Variants in PAPPA2 observed in about 807,000 individuals in gnomAD.
PAPPA2 encodes the protein pappalysin-2.
In PAPPA2, 86 loss-of-function variants were observed where a neutral mutation model predicts 176.4. The observed-to-expected ratio is 0.49, with a 90% CI of 0.41 to 0.58. The LOEUF (loss-of-function observed/expected upper bound fraction) is 0.58. PAPPA2 is among the 20% of genes least tolerant of loss of function. PAPPA2 has a pLI of 0.00. For synonymous variants in PAPPA2, 809 were observed against 852.2 expected, an observed-to-expected ratio of 0.95 and a Z score of 0.88; for missense variants, 2,073 against 2,256.9, an observed-to-expected ratio of 0.92 and a Z score of 1.65.
At chr1:176,654,860 G>A (rs1030895171) in intron 3 of PAPPA2, among the ~76,000 whole-genome samples, 11 of 151,532 alleles carry the variant, frequency 7.3e-5, no homozygotes, top group African/African-American at 2.7e-4. Flanking sequence ...TTCTTAATTT[G>A]TTTTTCAGTT....
chr1:176,564,987 A>G (rs1053557150), intron 2 of PAPPA2, among the ~76,000 whole-genome samples: 4 of 151,868 alleles, frequency 2.6e-5, no homozygotes, highest in African/African-American at 9.7e-5. Flanking sequence ...CCTACTCTCT[A>G]TCTCTATAGA....
intron 2 of PAPPA2, among the ~76,000 whole-genome samples, chr1:176,577,257 C>T (rs974852589): frequency 6.6e-6 from 1 of 152,178 alleles, no homozygotes; most frequent in Non-Finnish European, 1.5e-5. Flanking sequence ...TTCTCTCAGG[C>T]AATCACAAGA....
chr1:176,607,247 A>AAT (rs1343057119), intron 3 of PAPPA2, among the ~76,000 whole-genome samples: 1 of 152,134 alleles, frequency 6.6e-6, no homozygotes, highest in Non-Finnish European at 1.5e-5. Context: ...GCTGCTTTAA[A>AAT]ATATATAATG....
chr1:176,781,197 A>G (rs1169232312), intron 17 of PAPPA2, among the ~76,000 whole-genome samples: 2 of 152,102 alleles, frequency 1.3e-5, no homozygotes, highest in East Asian at 3.9e-4. Flanking sequence ...GGGACCAGGC[A>G]TTATTGTACC....
At chr1:176,631,109 G>A in intron 3 of PAPPA2, among the ~76,000 whole-genome samples, 1 of 152,174 alleles carries the variant, frequency 6.6e-6, no homozygotes, top group East Asian at 1.9e-4. Flanking sequence ...AAGCTGGGAG[G>A]CTATGTAGTC....
chr1:176,487,183 TA>T (rs35716355), intron 1 of PAPPA2, among the ~76,000 whole-genome samples: 3 of 152,118 alleles, frequency 2.0e-5, no homozygotes, highest in Admixed American at 1.3e-4. Flanking sequence ...TAAGCAATTC[TA>T]AAAAGGTGGC....
At chr1:176,566,395 T>C (rs192290440) in intron 2 of PAPPA2, among the ~76,000 whole-genome samples, 8 of 152,280 alleles carry the variant, frequency 5.3e-5, no homozygotes, top group Admixed American at 5.2e-4. Flanking sequence ...GCCTTTCCTC[T>C]CCTCATTCCC....
intron 2 of PAPPA2, among the ~76,000 whole-genome samples, chr1:176,571,573 G>T (rs554930947): frequency 8.6e-4 from 131 of 152,308 alleles, no homozygotes; most frequent in Admixed American, 9.8e-4. Flanking sequence ...CTCCAAAGAT[G>T]CTGCCATCCA....
At chr1:176,750,131 C>A (rs1663100649) in intron 14 of PAPPA2, among the ~76,000 whole-genome samples, 1 of 151,948 alleles carries the variant, frequency 6.6e-6, no homozygotes, top group South Asian at 2.1e-4. Flanking sequence ...TCCTTCTTTC[C>A]TTTTTTCTTT....
chr1:176,731,732 C>CATATATGTGTAT (rs1558548901), intron 12 of PAPPA2, among the ~76,000 whole-genome samples: 35 of 149,526 alleles, frequency 2.3e-4, no homozygotes, highest in Middle Eastern at 3.4e-3. Context: ...TATATGTGTA[C>CATATATGTGTAT]ATATACATGC....
At chr1:176,733,809 A>T (rs1205093065) in intron 12 of PAPPA2, among the ~76,000 whole-genome samples, 1 of 152,090 alleles carries the variant, frequency 6.6e-6, no homozygotes, top group African/African-American at 2.4e-5. Flanking sequence ...TCAGAGCAAG[A>T]TCTGTGGAGG....
intron 2 of PAPPA2, among the ~76,000 whole-genome samples, chr1:176,574,486 T>C (rs1393478091): frequency 6.6e-6 from 1 of 152,166 alleles, no homozygotes. Flanking sequence ...ACCTAGGATA[T>C]TGTTTACCAT....
intron 14 of PAPPA2, among the ~76,000 whole-genome samples, chr1:176,742,765 T>C (rs1424912003): frequency 6.6e-6 from 1 of 152,196 alleles, no homozygotes; most frequent in Non-Finnish European, 1.5e-5. Context: ...CACCACGATA[T>C]AAAACCCTCA....
At chr1:176,535,640 A>AG (rs1352385863) in intron 1 of PAPPA2, among the ~76,000 whole-genome samples, 1 of 152,188 alleles carries the variant, frequency 6.6e-6, no homozygotes, top group Admixed American at 6.5e-5. Context: ...CCAGAGAAGC[A>AG]GTATCTATAG....
intron 1 of PAPPA2, among the ~76,000 whole-genome samples, chr1:176,482,450 A>T (rs1178152219): frequency 6.6e-6 from 1 of 152,196 alleles, no homozygotes; most frequent in Non-Finnish European, 1.5e-5. Flanking sequence ...CGCTAATTGA[A>T]CATTGTTACT....
chr1:176,738,184 T>C lies in PAPPA2; in HGVS notation c.3799-1442T>C, dbSNP rs568586461. 9.3e-4 allele frequency among the ~76,000 whole-genome samples: 141 copies of C among 152,198 alleles called. 1 individual carries two copies. The highest frequency in any genetic ancestry group is 2.9e-3 in the African/African-American group (119 of 41,534). On this transcript the variant is annotated intron_variant, in intron 12 of 22. Coordinates refer to ENST00000367662, the MANE Select transcript of PAPPA2 (RefSeq NM_020318.3). ...CCAGACAGGGACAAAGGACTTCATA[T>C]GGCAAGTGTAATCTTGGGTCTGGTT...
At chr1:176,478,299 G>A (rs1381444322) in intron 1 of PAPPA2, among the ~76,000 whole-genome samples, 2 of 152,228 alleles carry the variant, frequency 1.3e-5, no homozygotes, top group East Asian at 3.8e-4. Context: ...TTACTTGAAT[G>A]TAATTTGGAG....
intron 14 of PAPPA2, among the ~76,000 whole-genome samples, chr1:176,761,690 C>T (rs1328290197): frequency 2.6e-5 from 4 of 152,168 alleles, no homozygotes; most frequent in East Asian, 1.9e-4. Flanking sequence ...GGAGATGGCC[C>T]GGTGGTCTAG....
chr1:176,562,182 C>A (rs1408387847), intron 2 of PAPPA2, among the ~76,000 whole-genome samples: 1 of 152,128 alleles, frequency 6.6e-6, no homozygotes, highest in Non-Finnish European at 1.5e-5. Flanking sequence ...TGTATAAAAC[C>A]TATTGTTTAA....
Sources: gnomAD v4.1 joint callset for allele counts (sites outside exome capture counted in the v4.1 genomes callset) on GRCh38, gnomAD v4.1.1 for gene constraint, MANE v1.5 for transcripts, NCBI Gene and HGNC (gene_info 2026-07-23, HGNC 2026-07-21) for gene names.